Variants in AGPAT3 observed in about 807,000 individuals in gnomAD.
AGPAT3 encodes 1-acylglycerol-3-phosphate O-acyltransferase 3, also known as 1-acyl-sn-glycerol-3-phosphate acyltransferase gamma.
A neutral mutation model predicts 47.3 loss-of-function variants in AGPAT3; 5 were observed. The ratio of observed to expected loss-of-function variants is 0.11; its 90% CI spans 0.06 to 0.22. AGPAT3 has a LOEUF of 0.22. Among genes scored for constraint, AGPAT3 ranks in the 10% least tolerant of loss-of-function variants. The pLI, the probability that AGPAT3 is intolerant of heterozygous loss-of-function variation, is 1.00. For synonymous variants in AGPAT3, 212 were observed against 208.3 expected (o/e 1.02, Z -0.15); for missense variants, 315 against 493.0 (o/e 0.64, Z 3.42).
At position 43,982,402 on chromosome 21, in the gene AGPAT3, GT is replaced by G. The variant is rs747742421; in HGVS notation, c.*11del. ...TAAGAAAAAGGAATAATTAATGGCTGTGACTGAACACACGCGGCCCTGACGG... is the reference window on the plus strand; with the variant it reads ...TAAGAAAAAGGAATAATTAATGGCTGGACTGAACACACGCGGCCCTGACGG... On this transcript the variant is annotated 3_prime_UTR_variant, in exon 10 of 10. Transcript: ENST00000291572. The surrounding 1 kb of genome is among the most constrained non-coding windows in gnomAD (Gnocchi z 6.2). The G allele has an allele frequency of 7.5e-6, 12 of 1,603,206 alleles. No homozygotes were observed. Among genetic ancestry groups the G allele is most frequent in the South Asian group, 1.1e-5 (1 of 90,848 alleles).
rs748457548 is a variant in AGPAT3, at chr21:43,908,445, G to C, written c.-49+4426G>C. The stretch of plus-strand genomic sequence containing the variant: ...CATGGGCTGGGAACTTGTGGAACCC[G>C]GTGTGTATGACTCGCTCCGTGATTC... On this transcript the variant is annotated intron_variant, in intron 2 of 9. Coordinates refer to ENST00000291572, the MANE Select transcript of AGPAT3 (RefSeq NM_020132.5). The surrounding 1 kb of genome is among the most constrained non-coding windows in gnomAD (Gnocchi z 4.9). 2.6e-5 allele frequency among the ~76,000 whole-genome samples: 4 copies of C among 152,148 alleles called. No individual in the cohort carries two copies. The East Asian group carries it at 5.8e-4, about 22-fold the overall frequency.
intron 3 of AGPAT3, chr21:43,966,807 G>A (rs62229684): frequency 2.0e-5 from 3 of 152,260 alleles, no homozygotes; most frequent in Admixed American, 6.5e-5. Context: ...TGTCCAGCGC[G>A]AGAAGCCTGA....
chr21:43,920,755 G>A lies in AGPAT3; in HGVS notation c.-49+16736G>A, dbSNP rs1182357129. On this transcript the variant is annotated intron_variant, in intron 2 of 9. Coordinates refer to ENST00000291572, the MANE Select transcript of AGPAT3 (RefSeq NM_020132.5). The surrounding 1 kb of genome is among the most constrained non-coding windows in gnomAD (Gnocchi z 6.1). ...AGGGTGGAGCCCTGGGGAGGGTACA[G>A]CAGCTCCGAGCTCCCTGCCCCATAC... Among the ~76,000 whole-genome samples, 1 of 152,168 alleles carries A rather than the reference G, an allele frequency of 6.6e-6. No homozygotes were observed. Among genetic ancestry groups the A allele is most frequent in the Non-Finnish European group, 1.5e-5 (1 of 68,032 alleles).
At chr21:43,968,167 G>A in intron 4 of AGPAT3, 52 bp downstream of exon 4, 1 of 1,595,392 alleles carries the variant, frequency 6.3e-7, no homozygotes, top group Non-Finnish European at 8.6e-7. Context: ...TCCCGGGGAG[G>A]GCCGGGGGTG....
intron 3 of AGPAT3, among the ~76,000 whole-genome samples, chr21:43,962,039 T>C (rs186966736): frequency 9.7e-4 from 147 of 151,600 alleles, no homozygotes; most frequent in East Asian, 2.3e-3. Context: ...CTCGCTCTGT[T>C]GCCCAGGCTG....
intron 7 of AGPAT3, among the ~76,000 whole-genome samples, chr21:43,974,445 T>C (rs887943592): frequency 1.7e-4 from 26 of 151,360 alleles, no homozygotes; most frequent in Non-Finnish European, 2.9e-5. Flanking sequence ...GTGTGTGGTA[T>C]GTGTGTATAA....
intron 2 of AGPAT3, among the ~76,000 whole-genome samples, chr21:43,956,697 C>G (rs535096744): frequency 6.6e-6 from 1 of 152,284 alleles, no homozygotes; most frequent in Admixed American, 6.5e-5. Context: ...TGCAGGTGAG[C>G]TGAGGCCAGG....
Position 43,968,034 on chromosome 21 carries a change from C to G in AGPAT3, c.267C>G (p.His89Gln). 1 of 1,613,920 alleles carries G rather than the reference C, an allele frequency of 6.2e-7. No individual in the cohort carries two copies. Among genetic ancestry groups the G allele is most frequent in the Non-Finnish European group, 8.5e-7 (1 of 1,180,016 alleles). ...CGGTAGAGCGCTTTGGGAAGGAGCA[C>G]GCAGTCATCATCCTCAACCACAACT... Reference protein sequence around the residue: ...QATVERFGKEHAVIILNHNFE... With the variant: ...QATVERFGKEQAVIILNHNFE... The change falls in exon 4 of 10, where the codon CAC becomes CAG. Residue 89 changes from histidine (H) to glutamine (Q), a missense_variant. Coordinates refer to ENST00000291572, the MANE Select transcript of AGPAT3 (RefSeq NM_020132.5).
intron 1 of AGPAT3, among the ~76,000 whole-genome samples, chr21:43,866,081 G>A (rs191068937): frequency 8.6e-5 from 13 of 151,804 alleles, no homozygotes; most frequent in Admixed American, 7.9e-4. Flanking sequence ...TAGGAAAGGA[G>A]GGTTATTAGT....
chr21:43,984,855 A>G lies in AGPAT3; in HGVS notation c.*2463A>G, dbSNP rs1387712753. On this transcript the variant is annotated 3_prime_UTR_variant, in exon 10 of 10. Coordinates refer to ENST00000291572, the MANE Select transcript of AGPAT3 (RefSeq NM_020132.5). ...TTAATTCAGTTGATGTTATGTCCAA[A>G]TTCAGGCTGAGTGCTCAGGCTGAAG... The G allele has an allele frequency of 1.3e-5, 4 of 310,374 alleles. No individual in the cohort carries two copies. The East Asian group carries it at 3.5e-4, about 27-fold the overall frequency. The allele number at this position is 310,374 out of a possible 1,614,324, so 19.2% of individuals were successfully genotyped here.
chr21:43,891,581 C>T (rs977135481), intron 1 of AGPAT3, among the ~76,000 whole-genome samples: 14 of 150,980 alleles, frequency 9.3e-5, no homozygotes, highest in South Asian at 2.1e-4. Context: ...TGCAGTGAGC[C>T]GAGATAGTGC....
intron 1 of AGPAT3, among the ~76,000 whole-genome samples, chr21:43,871,537 C>T (rs1569038292): frequency 6.6e-6 from 1 of 152,222 alleles, no homozygotes; most frequent in Non-Finnish European, 1.5e-5. Flanking sequence ...TCTGGACACA[C>T]GTGATCCACA....
At chr21:43,911,992 G>A (rs923274247) in intron 2 of AGPAT3, among the ~76,000 whole-genome samples, 12 of 152,258 alleles carry the variant, frequency 7.9e-5, no homozygotes, top group Non-Finnish European at 1.2e-4. Flanking sequence ...AGCGCATCTT[G>A]CTCTGCTGGT....
chr21:43,982,498 T>A lies in AGPAT3; in HGVS notation c.*106T>A. On this transcript the variant is annotated 3_prime_UTR_variant, in exon 10 of 10. Coordinates refer to ENST00000291572, the MANE Select transcript of AGPAT3 (RefSeq NM_020132.5). This position sits in a 1 kb window ranked among gnomAD's most constrained non-coding sequence, Gnocchi z 6.2. ...GACAATTAGAAACTATTTTTCTTAT[T>A]AACTGGTGACTAATATTAACAAAAC... The A allele has an allele frequency of 1.2e-6, 1 of 822,510 alleles. No homozygotes were observed. The highest frequency in any genetic ancestry group is 2.6e-5 in the East Asian group (1 of 38,100). The allele number at this position is 822,510 out of a possible 1,614,324, so 51.0% of individuals were successfully genotyped here.
At chr21:43,916,400 A>G (rs1199140338) in intron 2 of AGPAT3, 1 of 152,222 alleles carries the variant, frequency 6.6e-6, no homozygotes, top group East Asian at 1.9e-4. Flanking sequence ...TTTCTGCTGA[A>G]TGAAGTGTGT....
At chr21:43,980,930 T>G in intron 8 of AGPAT3, 59 bp from the exon 9 acceptor site, 1 of 1,371,284 alleles carries the variant, frequency 7.3e-7, no homozygotes, top group Non-Finnish European at 1.0e-6. Flanking sequence ...TTCTCCTGCA[T>G]TGAAATAATA....
Position 43,970,882 on chromosome 21 carries a change from A to T in AGPAT3, c.664+76A>T. On this transcript the variant is annotated intron_variant, in intron 6 of 9. Coordinates refer to ENST00000291572, the MANE Select transcript of AGPAT3 (RefSeq NM_020132.5). This position sits in a 1 kb window ranked among gnomAD's most constrained non-coding sequence, Gnocchi z 5.8. ...AGTGATTTCTTTAAAAAAAAAAAAA[A>T]TGAGTGCATTCCATGTGAAACACAG... is the stretch of plus-strand genomic sequence containing the variant. 1.5e-6 allele frequency: 2 copies of T among 1,315,004 alleles called. No individual in the cohort carries two copies. The highest frequency in any genetic ancestry group is 2.0e-6 in the Non-Finnish European group (2 of 996,822). 81.5% of individuals were successfully genotyped at this position (1,315,004 alleles called of 1,614,324 possible).
At position 43,920,230 on chromosome 21, in the gene AGPAT3, TGTGA is replaced by T. The variant is rs549156838; in HGVS notation, c.-49+16219_-49+16222del. Among the ~76,000 whole-genome samples the T allele has an allele frequency of 1.1e-3, 168 of 150,144 alleles. 1 individual carries two copies. Among genetic ancestry groups the T allele is most frequent in the African/African-American group, 3.8e-3 (154 of 40,766 alleles). ...CCCTGTGTGTGTGTGTGTGAGAGAT[TGTGA>T]GTGAGTGTGTGTGTGTAAGGGTGTG... On this transcript the variant is annotated intron_variant, in intron 2 of 9. Transcript: ENST00000291572. This position sits in a 1 kb window ranked among gnomAD's most constrained non-coding sequence, Gnocchi z 6.1.
At chr21:43,912,759 T>C (rs1483297281) in intron 2 of AGPAT3, among the ~76,000 whole-genome samples, 6 of 152,248 alleles carry the variant, frequency 3.9e-5, no homozygotes. Context: ...ATAAACCATA[T>C]GTGGTCATGA....
Sources: gnomAD v4.1 joint callset for allele counts (sites outside exome capture counted in the v4.1 genomes callset) on GRCh38, gnomAD v4.1.1 for gene constraint, Gnocchi (gnomAD v3.1) non-coding constraint, MANE v1.5 for transcripts, NCBI Gene and HGNC (gene_info 2026-07-23, HGNC 2026-07-21) for gene names.